Variants in MTF1 observed in about 807,000 individuals in gnomAD.
MTF1 encodes metal regulatory transcription factor 1, also known as MRE-binding transcription factor.
In MTF1, 22 loss-of-function variants were observed where a neutral mutation model predicts 70.4. The ratio of observed to expected loss-of-function variants is 0.31; its 90% CI spans 0.22 to 0.45. The LOEUF is 0.45. Among genes scored for constraint, MTF1 ranks in the 20% least tolerant of loss-of-function variants. The pLI, the probability that MTF1 is intolerant of heterozygous loss-of-function variation, is 1.00. For synonymous variants in MTF1, 333 were observed against 352.8 expected (o/e 0.94, Z 0.63); for missense variants, 649 against 922.0 (o/e 0.70, Z 3.83).
rs781279413 is a variant in MTF1, at chr1:37,847,822, C to T, written c.409-7664G>A. On this transcript the variant is annotated intron_variant, in intron 2 of 10. Transcript: ENST00000373036. ...ACCAGCATGGGCAACATAGCAAGAC[C>T]GCGACTCTCCAAAAAAATAAGAAAT... 7.9e-5 allele frequency among the ~76,000 whole-genome samples: 12 copies of T among 152,088 alleles called. No homozygotes were observed. In the South Asian group the frequency reaches 1.7e-3, roughly 21 times the overall value.
intron 4 of MTF1, among the ~76,000 whole-genome samples, chr1:37,837,307 T>A (rs1354795748): frequency 6.6e-6 from 1 of 152,078 alleles, no homozygotes; most frequent in Non-Finnish European, 1.5e-5. Flanking sequence ...TCCTCCCACC[T>A]CAGTCTCCCA....
chr1:37,857,756 G>A (rs1315825408), intron 1 of MTF1, 47 bp from the exon 2 acceptor site: 13 of 1,196,786 alleles, frequency 1.1e-5, no homozygotes, highest in African/African-American at 1.5e-5. Context: ...CAAGACCGAC[G>A]GACCTCCTCA....
chr1:37,839,332 A>G (rs1226616682), intron 3 of MTF1, among the ~76,000 whole-genome samples: 1 of 152,202 alleles, frequency 6.6e-6, no homozygotes, highest in African/African-American at 2.4e-5. Context: ...AGCTAGTTAT[A>G]GAACCCCTCT....
At chr1:37,850,624 T>C (rs1422927312) in intron 2 of MTF1, among the ~76,000 whole-genome samples, 1 of 151,534 alleles carries the variant, frequency 6.6e-6, no homozygotes, top group Non-Finnish European at 1.5e-5. Context: ...GAGACAGTAA[T>C]GAAATAACAA....
intron 6 of MTF1, 117 bp from the exon 7 acceptor site, chr1:37,832,439 T>A: frequency 1.5e-6 from 1 of 666,518 alleles, no homozygotes; most frequent in Middle Eastern, 3.1e-4. Flanking sequence ...ACATGTATTA[T>A]CTGAAGAAGT....
chr1:37,816,674 C>CAA lies in MTF1; in HGVS notation c.1831+743_1831+744dup, dbSNP rs35764920. Among the ~76,000 whole-genome samples, 232 of 95,900 alleles carry CAA rather than the reference C, an allele frequency of 2.4e-3. 1 individual carries two copies. Among genetic ancestry groups the CAA allele is most frequent in the South Asian group, 6.3e-3 (18 of 2,868 alleles). 62.9% of individuals were successfully genotyped at this position (95,900 alleles called of 152,430 possible). A position where few individuals can be genotyped will look rare whatever the true frequency, so the allele number is the denominator to read the frequency against. The stretch of plus-strand genomic sequence containing the variant: ...TGGGCAACAGAACGTGACTCCATCT[C>CAA]AAAAAAAAAAAAAAAAAGAAAGAAA... On this transcript the variant is annotated intron_variant, in intron 10 of 10. Coordinates refer to ENST00000373036, the MANE Select transcript of MTF1 (RefSeq NM_005955.3).
At chr1:37,855,232 C>T (rs142193279) in intron 2 of MTF1, among the ~76,000 whole-genome samples, 21 of 152,246 alleles carry the variant, frequency 1.4e-4, no homozygotes, top group African/African-American at 4.8e-4. Context: ...ATGGACTGTT[C>T]TGTGGGAGAA....
chr1:37,816,790 A>T (rs1029852091), intron 10 of MTF1, among the ~76,000 whole-genome samples: 2 of 152,022 alleles, frequency 1.3e-5, no homozygotes, highest in African/African-American at 4.8e-5. Context: ...TGAACTCAGG[A>T]GGCCCAGGCT....
intron 2 of MTF1, among the ~76,000 whole-genome samples, chr1:37,842,608 G>T (rs986747541): frequency 7.2e-5 from 11 of 152,188 alleles, no homozygotes; most frequent in Non-Finnish European, 2.9e-5. Context: ...TAGGTGTAGG[G>T]ATTCCCAATT....
intron 2 of MTF1, among the ~76,000 whole-genome samples, chr1:37,846,709 A>T (rs1641336761): frequency 6.6e-6 from 1 of 152,200 alleles, no homozygotes; most frequent in Non-Finnish European, 1.5e-5. Context: ...GAGAAAATAA[A>T]ACACTGTGAC....
intron 7 of MTF1, 43 bp from the exon 8 acceptor site, chr1:37,823,855 C>T (rs758466194): frequency 3.5e-6 from 5 of 1,409,670 alleles, no homozygotes; most frequent in Middle Eastern, 1.8e-4. Context: ...CATCTTGAGA[C>T]AATTCTTCAC....
chr1:37,831,322 G>T (rs538908426), intron 7 of MTF1, among the ~76,000 whole-genome samples: 1 of 152,254 alleles, frequency 6.6e-6, no homozygotes, highest in South Asian at 2.1e-4. Context: ...CAGCAGGCTT[G>T]GGGGGAGGCC....
Position 37,810,912 on chromosome 1 carries a change from C to T in MTF1, c.*4224G>A, listed in dbSNP as rs1402269857. On this transcript the variant is annotated 3_prime_UTR_variant, in exon 11 of 11. Transcript: ENST00000373036. ...AGTATGGGGAGCAGTATGGAAATGG[C>T]TCATGTTGCCCCCTGCCACCCATGC... The T allele has an allele frequency of 3.3e-5, 5 of 152,410 alleles. No individual in the cohort carries two copies. The highest frequency in any genetic ancestry group is 9.7e-5 in the African/African-American group (4 of 41,428). The allele number at this position is 152,410 out of a possible 1,614,324, so 9.4% of individuals were successfully genotyped here.
chr1:37,825,496 C>T (rs1298155814), intron 7 of MTF1, among the ~76,000 whole-genome samples: 5 of 152,158 alleles, frequency 3.3e-5, no homozygotes, highest in Admixed American at 6.5e-5. Context: ...CCCAGCCTCC[C>T]AAAGTGCTGG....
At position 37,859,584 on chromosome 1, in the gene MTF1, A is replaced by G. The variant is rs377173874; in HGVS notation, c.-105T>C. On this transcript the variant is annotated 5_prime_UTR_variant, in exon 1 of 11. Coordinates refer to ENST00000373036, the MANE Select transcript of MTF1 (RefSeq NM_005955.3). ...AGCAGCTTCTCCCCTCCCCAGCGGC[A>G]CCATGATTGCCCCCACCTTCCCCTA... is the stretch of plus-strand genomic sequence containing the variant. 1.8e-4 allele frequency: 70 copies of G among 398,912 alleles called. 1 individual carries two copies. Among genetic ancestry groups the G allele is most frequent in the African/African-American group, 1.2e-3 (60 of 48,752 alleles). The allele number at this position is 398,912 out of a possible 1,614,324, so 24.7% of individuals were successfully genotyped here. A position where few individuals can be genotyped will look rare whatever the true frequency, so the allele number is the denominator to read the frequency against.
At chr1:37,858,266 A>G (rs1641532485) in intron 1 of MTF1, among the ~76,000 whole-genome samples, 1 of 152,230 alleles carries the variant, frequency 6.6e-6, no homozygotes, top group Non-Finnish European at 1.5e-5. Context: ...AGTTTATGGT[A>G]GAAGGAGCAA....
intron 7 of MTF1, among the ~76,000 whole-genome samples, chr1:37,828,553 C>T (rs1330493936): frequency 6.6e-6 from 1 of 152,180 alleles, no homozygotes; most frequent in Non-Finnish European, 1.5e-5. Context: ...GATCCGCCTA[C>T]CTCAGCCTCC....
intron 7 of MTF1, chr1:37,828,140 T>C (rs1641031776): frequency 2.5e-6 from 1 of 393,206 alleles, no homozygotes; most frequent in South Asian, 1.8e-5. Context: ...AAGCCACACA[T>C]AAACAAGTAT....
At chr1:37,852,979 T>G (rs570818943) in intron 2 of MTF1, among the ~76,000 whole-genome samples, 1 of 152,112 alleles carries the variant, frequency 6.6e-6, no homozygotes, top group Non-Finnish European at 1.5e-5. Context: ...TTCATCAAAC[T>G]CCAATAACAC....
Sources: gnomAD v4.1 joint callset for allele counts (sites outside exome capture counted in the v4.1 genomes callset) on GRCh38, gnomAD v4.1.1 for gene constraint, MANE v1.5 for transcripts, NCBI Gene and HGNC (gene_info 2026-07-23, HGNC 2026-07-21) for gene names.